The following LARS2 variants were observed in gnomAD, a reference collection of about 807,000 sequenced individuals.
LARS2 encodes leucyl-tRNA synthetase 2, mitochondrial.
LARS2 carries 81 observed loss-of-function variants against 116.6 expected under a neutral mutation model. That is an observed-to-expected ratio of 0.69 (90% CI 0.58 to 0.84). The LOEUF (loss-of-function observed/expected upper bound fraction) is 0.84. Ranked by LOEUF, LARS2 falls within the 40% of genes least tolerant of loss-of-function variation. LARS2 has a pLI of 0.00. For synonymous variants in LARS2, 396 were observed against 407.2 expected (o/e 0.97, Z 0.33); for missense variants, 968 against 1,114.5 (o/e 0.87, Z 1.87).
At chr3:45,511,441 G>A (rs1700287672) in intron 15 of LARS2, among the ~76,000 whole-genome samples, 1 of 152,132 alleles carries the variant, frequency 6.6e-6, no homozygotes, top group South Asian at 2.1e-4. Flanking sequence ...AGAAGCGGAT[G>A]GAAGGTTGAT....
intron 8 of LARS2, among the ~76,000 whole-genome samples, chr3:45,470,416 A>T (rs1330231783): frequency 6.6e-6 from 1 of 152,148 alleles, no homozygotes; most frequent in East Asian, 1.9e-4. Context: ...TTATTGGTGC[A>T]TGTTCTTAAA....
chr3:45,546,531 T>C (rs1559503339), intron 21 of LARS2, among the ~76,000 whole-genome samples: 1 of 152,260 alleles, frequency 6.6e-6, no homozygotes, highest in African/African-American at 2.4e-5. Flanking sequence ...GGACATTTGA[T>C]AATGTGCTTT....
intron 5 of LARS2, among the ~76,000 whole-genome samples, chr3:45,418,112 C>T (rs983436598): frequency 1.3e-5 from 2 of 152,228 alleles, no homozygotes; most frequent in Admixed American, 1.3e-4. Context: ...TTCTACTACA[C>T]GTGGGCCAGC....
Position 45,528,813 on chromosome 3 carries a change from A to G in LARS2, c.2404+4705A>G, listed in dbSNP as rs72883915. Among the ~76,000 whole-genome samples the G allele has an allele frequency of 6.1e-3, 914 of 150,966 alleles. 10 individuals are homozygous for G. The highest frequency in any genetic ancestry group is 0.02 in the African/African-American group (836 of 41,148). ...GAGAGGTCATCTTATAACCTGATTT[A>G]CTCACTTAAATATTCCATGAACATA... On this transcript the variant is annotated intron_variant, in intron 20 of 21. Transcript: ENST00000645846.
At chr3:45,416,306 C>G (rs1260959409) in intron 4 of LARS2, among the ~76,000 whole-genome samples, 1 of 148,888 alleles carries the variant, frequency 6.7e-6, no homozygotes, top group East Asian at 2.0e-4. Context: ...GGGGAGTGGG[C>G]CTTTCAGGAG....
At position 45,516,167 on chromosome 3, in the gene LARS2, CA is replaced by C. The variant is rs750660908; in HGVS notation, c.1937del (p.Asn646ThrfsTer35). The part of the protein sequence containing the change: ...TWEKMSKSKH[N>X]GVDPEEVVEQ... ...GGGAGAAGATGAGTAAGTCCAAACA[CA>C]ACGGGGTGGACCCAGAGGAAGTTGT... On this transcript the variant is annotated frameshift_variant, in exon 17 of 22. Transcript: ENST00000645846. LOFTEE classifies it high-confidence loss of function. The C allele has an allele frequency of 1.9e-6, 3 of 1,614,050 alleles. No homozygotes were observed. In the African/African-American group the frequency reaches 4.0e-5, roughly 22 times the overall value.
chr3:45,502,614 A>T (rs962399682), intron 15 of LARS2, among the ~76,000 whole-genome samples: 11 of 151,930 alleles, frequency 7.2e-5, no homozygotes, highest in Admixed American at 6.6e-5. Context: ...TTTCACCATG[A>T]TGGGCAGGCT....
chr3:45,453,148 T>C (rs1227479088), intron 7 of LARS2, among the ~76,000 whole-genome samples: 1 of 152,146 alleles, frequency 6.6e-6, no homozygotes, highest in African/African-American at 2.4e-5. Flanking sequence ...TTTCTTTCTT[T>C]TTAGTCTCAA....
chr3:45,422,916 TA>T (rs1173727448), intron 6 of LARS2, among the ~76,000 whole-genome samples: 3 of 152,236 alleles, frequency 2.0e-5, no homozygotes, highest in African/African-American at 7.2e-5. Context: ...TCTTTGTGTT[TA>T]ATAGGAAAGT....
At position 45,547,720 on chromosome 3, in the gene LARS2, G is replaced by T; in HGVS notation, c.*190G>T. On this transcript the variant is annotated 3_prime_UTR_variant, in exon 22 of 22. Coordinates refer to ENST00000645846, the MANE Select transcript of LARS2 (RefSeq NM_015340.4). ...TGGCCTGGTGCTGGGGTGAAGGTGA[G>T]CTGGGCAAAGGAGAAATATGAGCTA... The T allele has an allele frequency of 1.8e-6, 1 of 544,232 alleles. No homozygotes were observed. Among genetic ancestry groups the T allele is most frequent in the Non-Finnish European group, 3.2e-6 (1 of 313,764 alleles). 33.7% of individuals were successfully genotyped at this position (544,232 alleles called of 1,614,324 possible).
intron 7 of LARS2, among the ~76,000 whole-genome samples, chr3:45,457,695 T>C (rs1283068411): frequency 9.2e-5 from 14 of 151,984 alleles, no homozygotes; most frequent in Non-Finnish European, 1.6e-4. Flanking sequence ...AAAAAAAAAT[T>C]ACAAAAAATG....
intron 20 of LARS2, among the ~76,000 whole-genome samples, chr3:45,540,804 G>C (rs543454226): frequency 7.1e-6 from 1 of 140,648 alleles, no homozygotes; most frequent in Admixed American, 7.1e-5. Flanking sequence ...ATCTATCTAT[G>C]AGACAGGGTC....
chr3:45,402,489 A>G (rs559913231), intron 4 of LARS2, among the ~76,000 whole-genome samples: 2 of 152,352 alleles, frequency 1.3e-5, no homozygotes, highest in South Asian at 4.1e-4. Context: ...GGCCATTGCT[A>G]CTATGAACCT....
chr3:45,400,853 G>A (rs193182461), intron 4 of LARS2, among the ~76,000 whole-genome samples: 29 of 151,602 alleles, frequency 1.9e-4, no homozygotes, highest in East Asian at 1.4e-3. Flanking sequence ...TTGCTCTGTC[G>A]CCCAGGCTGG....
At chr3:45,429,976 A>C (rs1698665579) in intron 6 of LARS2, among the ~76,000 whole-genome samples, 1 of 140,246 alleles carries the variant, frequency 7.1e-6, no homozygotes, top group Non-Finnish European at 1.5e-5. Context: ...TGCTGGACTT[A>C]CAGGCATGAG....
At chr3:45,525,731 C>CA in intron 20 of LARS2, among the ~76,000 whole-genome samples, 1 of 152,326 alleles carries the variant, frequency 6.6e-6, no homozygotes, top group Middle Eastern at 3.4e-3. Context: ...CAAGCTTTTG[C>CA]AACTCCTGGC....
chr3:45,520,123 T>C lies in LARS2; in HGVS notation c.2215-96T>C. ...TATTTATAAATATCTTTGCATCCCATTCATTTTCCTTTTTTTTTGTTTTGA... is the reference window on the plus strand; with the variant it reads ...TATTTATAAATATCTTTGCATCCCACTCATTTTCCTTTTTTTTTGTTTTGA... On this transcript the variant is annotated intron_variant, in intron 18 of 21. Coordinates refer to ENST00000645846, the MANE Select transcript of LARS2 (RefSeq NM_015340.4). 3.7e-6 allele frequency: 3 copies of C among 801,426 alleles called. 1 individual carries two copies. The Admixed American group carries it at 5.9e-5, about 16-fold the overall frequency. 49.6% of individuals were successfully genotyped at this position (801,426 alleles called of 1,614,324 possible).
At chr3:45,534,244 C>T (rs1015507268) in intron 20 of LARS2, among the ~76,000 whole-genome samples, 1 of 152,136 alleles carries the variant, frequency 6.6e-6, no homozygotes, top group African/African-American at 2.4e-5. Context: ...TCGTATGTAC[C>T]AGGAATGTCC....
At chr3:45,538,848 A>G (rs1700749873) in intron 20 of LARS2, among the ~76,000 whole-genome samples, 1 of 152,240 alleles carries the variant, frequency 6.6e-6, no homozygotes, top group African/African-American at 2.4e-5. Flanking sequence ...CCAGTCCACA[A>G]CAAGATAAGG....
Sources: allele counts gnomAD v4.1 joint callset (sites outside exome capture counted in the v4.1 genomes callset), GRCh38; gene constraint gnomAD v4.1.1; transcripts MANE v1.5; gene names NCBI Gene and HGNC (gene_info 2026-07-23, HGNC 2026-07-21).